Variants in KCNMB2 observed in about 807,000 individuals in gnomAD.
The protein encoded by KCNMB2 is potassium calcium-activated channel subfamily M regulatory beta subunit 2.
In KCNMB2, 9 loss-of-function variants were observed where a neutral mutation model predicts 24.5. The ratio of observed to expected loss-of-function variants is 0.37; its 90% confidence interval spans 0.22 to 0.64. KCNMB2 has a LOEUF of 0.64. Ranked by LOEUF, KCNMB2 falls within the 30% of genes least tolerant of loss-of-function variation. The pLI is 0.63. For synonymous variants in KCNMB2, 109 were observed against 104.4 expected, an observed-to-expected ratio of 1.04 and a Z score of -0.27; for missense variants, 226 against 284.3, an observed-to-expected ratio of 0.79 and a Z score of 1.47.
rs536890389 is a variant in KCNMB2, at chr3:178,706,441, AC to A, written c.-67-100900del. On this transcript the variant is annotated intron_variant, in intron 1 of 4. Transcript: ENST00000452583. ...TCTAGTCTTTGTTTGTGTAGAAATA[AC>A]CACATTTGGAGCATTTAGAAGGTCC... 1.2e-3 allele frequency among the ~76,000 whole-genome samples: 183 copies of A among 152,202 alleles called. 4 individuals carry two copies. The highest frequency in any genetic ancestry group is 4.3e-3 in the African/African-American group (178 of 41,532).
intron 1 of KCNMB2, among the ~76,000 whole-genome samples, chr3:178,607,207 G>A (rs984672478): frequency 3.9e-5 from 6 of 152,160 alleles, no homozygotes; most frequent in African/African-American, 1.4e-4. Context: ...GGTGATTCGG[G>A]TGTAAAAAAC....
At chr3:178,831,560 C>T (rs1315937221) in intron 4 of KCNMB2, among the ~76,000 whole-genome samples, 3 of 152,078 alleles carry the variant, frequency 2.0e-5, no homozygotes, top group Non-Finnish European at 4.4e-5. Flanking sequence ...AATAATACTA[C>T]GCAGTCATGA....
chr3:178,820,018 T>C (rs1577213224), intron 2 of KCNMB2, among the ~76,000 whole-genome samples: 1 of 152,318 alleles, frequency 6.6e-6, no homozygotes, highest in East Asian at 1.9e-4. Flanking sequence ...CTAAGATGAA[T>C]GTATCCGTAA....
intron 1 of KCNMB2, among the ~76,000 whole-genome samples, chr3:178,661,445 AT>A (rs372898986): frequency 0.044 from 6,691 of 151,966 alleles, 188 homozygotes; most frequent in African/African-American, 0.063. Context: ...TGCAATAAAC[AT>A]TTTTTTTAAT....
intron 1 of KCNMB2, among the ~76,000 whole-genome samples, chr3:178,738,158 C>T (rs1300751019): frequency 6.6e-6 from 1 of 152,130 alleles, no homozygotes; most frequent in Non-Finnish European, 1.5e-5. Context: ...ATGAGTGACA[C>T]CACCACCACC....
At position 178,679,041 on chromosome 3, in the gene KCNMB2, T is replaced by TTTG. The variant is rs368857082; in HGVS notation, c.-67-128300_-67-128299insGTT. Among the ~76,000 whole-genome samples, 234 of 130,238 alleles carry TTTG rather than the reference T, an allele frequency of 1.8e-3. 1 individual carries two copies. The highest frequency in any genetic ancestry group is 7.2e-3 in the African/African-American group (224 of 31,104). 85.4% of individuals were successfully genotyped at this position (130,238 alleles called of 152,430 possible). On this transcript the variant is annotated intron_variant, in intron 1 of 4. Transcript: ENST00000452583. ...TTATCAGTTTTTTTTTGTTTGTTTG[T>TTTG]TTTTTGTTTTGTTTTTGTTTTTTTT...
chr3:178,722,823 G>A (rs1577126435), intron 1 of KCNMB2, among the ~76,000 whole-genome samples: 1 of 152,174 alleles, frequency 6.6e-6, no homozygotes, highest in Non-Finnish European at 1.5e-5. Flanking sequence ...AGCCCTGGGG[G>A]CGGAGGTTGT....
At chr3:178,690,792 AC>A (rs1445880554) in intron 1 of KCNMB2, among the ~76,000 whole-genome samples, 1 of 152,210 alleles carries the variant, frequency 6.6e-6, no homozygotes, top group African/African-American at 2.4e-5. Context: ...GACATGGTGT[AC>A]TAAAGGTTGG....
chr3:178,717,114 G>A (rs114795999), intron 1 of KCNMB2, among the ~76,000 whole-genome samples: 232 of 150,176 alleles, frequency 1.5e-3, no homozygotes, highest in Non-Finnish European at 2.8e-3. Flanking sequence ...ATAAGTATAT[G>A]TCAACATCAA....
At chr3:178,786,931 T>C (rs1457837487) in intron 1 of KCNMB2, among the ~76,000 whole-genome samples, 1 of 151,992 alleles carries the variant, frequency 6.6e-6, no homozygotes, top group Admixed American at 6.6e-5. Context: ...GGAACAGACC[T>C]CGATTTCAAC....
intron 1 of KCNMB2, among the ~76,000 whole-genome samples, chr3:178,684,712 T>C (rs1721398509): frequency 6.6e-6 from 1 of 151,994 alleles, no homozygotes; most frequent in Non-Finnish European, 1.5e-5. Flanking sequence ...ATGCCTGTAA[T>C]CCCAACTACT....
At chr3:178,563,069 A>C (rs939678297) in intron 1 of KCNMB2, among the ~76,000 whole-genome samples, 21 of 152,376 alleles carry the variant, frequency 1.4e-4, no homozygotes, top group African/African-American at 5.0e-4. Context: ...GAAATAACTC[A>C]CAACTGTGCA....
At chr3:178,552,543 TC>T (rs1715992111) in intron 1 of KCNMB2, among the ~76,000 whole-genome samples, 1 of 152,166 alleles carries the variant, frequency 6.6e-6, no homozygotes, top group Non-Finnish European at 1.5e-5. Flanking sequence ...CTGTCTCATT[TC>T]CCCAAAATCA....
chr3:178,752,866 A>G (rs1168416643), intron 1 of KCNMB2, among the ~76,000 whole-genome samples: 1 of 152,230 alleles, frequency 6.6e-6, no homozygotes, highest in African/African-American at 2.4e-5. Flanking sequence ...ATCAGTCTGT[A>G]TAAGAGACAA....
chr3:178,808,054 G>A (rs1714045350), intron 2 of KCNMB2, among the ~76,000 whole-genome samples: 2 of 152,068 alleles, frequency 1.3e-5, no homozygotes, highest in Non-Finnish European at 2.9e-5. Flanking sequence ...AGGAGGAAAA[G>A]AGGACATACA....
chr3:178,555,976 AG>A, intron 1 of KCNMB2, among the ~76,000 whole-genome samples: 1 of 152,256 alleles, frequency 6.6e-6, no homozygotes, highest in East Asian at 1.9e-4. Flanking sequence ...AGAAATAAGA[AG>A]GAAATAGACA....
intron 1 of KCNMB2, among the ~76,000 whole-genome samples, chr3:178,574,470 T>C (rs1208428921): frequency 6.6e-6 from 1 of 152,266 alleles, no homozygotes; most frequent in Non-Finnish European, 1.5e-5. Context: ...AACTGCTTTC[T>C]ATTCATGTTT....
chr3:178,540,068 G>C (rs1715566149), intron 1 of KCNMB2, among the ~76,000 whole-genome samples: 2 of 152,022 alleles, frequency 1.3e-5, no homozygotes, highest in Admixed American at 1.3e-4. Flanking sequence ...ATCTCACACA[G>C]GATATGTTCA....
intron 1 of KCNMB2, among the ~76,000 whole-genome samples, chr3:178,584,353 C>T (rs1383197251): frequency 1.3e-5 from 2 of 152,228 alleles, no homozygotes; most frequent in African/African-American, 4.8e-5. Context: ...GTGCTGGGTA[C>T]TTTGCCACAG....
Sources: allele counts gnomAD v4.1 joint callset (sites outside exome capture counted in the v4.1 genomes callset), GRCh38; gene constraint gnomAD v4.1.1; transcripts MANE v1.5; gene names NCBI Gene and HGNC (gene_info 2026-07-23, HGNC 2026-07-21).